The following RNF220 variants were observed in gnomAD, a reference collection of about 807,000 sequenced individuals.
RNF220 encodes E3 ubiquitin-protein ligase RNF220.
Under a neutral mutation model 67.1 loss-of-function variants are expected in RNF220, and 7 were observed. The ratio of observed to expected loss-of-function variants is 0.10; its 90% confidence interval spans 0.06 to 0.20. The LOEUF (loss-of-function observed/expected upper bound fraction) is 0.20. RNF220 is among the 10% of genes least tolerant of loss of function. The pLI is 1.00. For missense variants in RNF220, 565 were observed against 740.3 expected (o/e 0.76, Z 2.75); for synonymous variants, 270 against 283.2 (o/e 0.95, Z 0.47).
chr1:44,544,881 C>A (rs529264777), intron 2 of RNF220, among the ~76,000 whole-genome samples: 1 of 152,214 alleles, frequency 6.6e-6, no homozygotes, highest in Non-Finnish European at 1.5e-5. Flanking sequence ...TCCTGGAATG[C>A]AATCTCTCCA....
At chr1:44,502,597 C>T (rs1658027729) in intron 2 of RNF220, among the ~76,000 whole-genome samples, 1 of 152,100 alleles carries the variant, frequency 6.6e-6, no homozygotes, top group Non-Finnish European at 1.5e-5. Context: ...GCTGTCCCTG[C>T]CCTGAAGGAG....
At chr1:44,579,899 C>T (rs1334860740) in intron 2 of RNF220, among the ~76,000 whole-genome samples, 2 of 151,304 alleles carry the variant, frequency 1.3e-5, no homozygotes, top group South Asian at 2.1e-4. Flanking sequence ...GGTGTGGTGG[C>T]GTGCATCTGT....
Position 44,600,119 on chromosome 1 carries a change from A to G in RNF220, c.626-14046A>G, listed in dbSNP as rs1666815146. ...GTAAAGAGTAAAAATTAAGATTGTC[A>G]ATTTAGGGAGGTCTCTGGATAGTGG... is the stretch of plus-strand genomic sequence containing the variant. On this transcript the variant is annotated intron_variant, in intron 2 of 14. Coordinates refer to ENST00000361799, the MANE Select transcript of RNF220 (RefSeq NM_018150.4). The surrounding 1 kb of genome is among the most constrained non-coding windows in gnomAD (Gnocchi z 4.0). Among the ~76,000 whole-genome samples the G allele has an allele frequency of 6.6e-6, 1 of 152,176 alleles. No individual in the cohort carries two copies. The highest frequency in any genetic ancestry group is 1.5e-5 in the Non-Finnish European group (1 of 68,024).
intron 2 of RNF220, among the ~76,000 whole-genome samples, chr1:44,455,857 C>T (rs1487952162): frequency 2.6e-5 from 4 of 152,164 alleles, no homozygotes; most frequent in African/African-American, 9.7e-5. Context: ...AGCTCTAGCA[C>T]GTGCCATCTG....
chr1:44,571,524 C>T (rs1312890878), intron 2 of RNF220, among the ~76,000 whole-genome samples: 3 of 152,220 alleles, frequency 2.0e-5, no homozygotes, highest in Non-Finnish European at 2.9e-5. Context: ...GTAAGTTCTA[C>T]ATTCACTGTT....
intron 2 of RNF220, among the ~76,000 whole-genome samples, chr1:44,474,051 T>C (rs930979297): frequency 8.6e-5 from 13 of 151,582 alleles, no homozygotes; most frequent in Non-Finnish European, 1.5e-4. Context: ...CAACCACGGA[T>C]CAAAAATATT....
At chr1:44,616,100 G>T (rs1418927509) in intron 3 of RNF220, among the ~76,000 whole-genome samples, 1 of 152,224 alleles carries the variant, frequency 6.6e-6, no homozygotes. Flanking sequence ...TGACATGGCA[G>T]CTGACTTCCC....
At chr1:44,488,212 T>G (rs1572655413) in intron 2 of RNF220, among the ~76,000 whole-genome samples, 1 of 150,626 alleles carries the variant, frequency 6.6e-6, no homozygotes, top group African/African-American at 2.4e-5. Flanking sequence ...CTCGGCTCAC[T>G]GCAACCTTCG....
intron 2 of RNF220, among the ~76,000 whole-genome samples, chr1:44,430,704 C>T (rs1650272486): frequency 6.6e-6 from 1 of 152,166 alleles, no homozygotes; most frequent in Non-Finnish European, 1.5e-5. Flanking sequence ...GCCACCACAC[C>T]TGGCTAATTT....
chr1:44,629,760 T>C (rs890710456), intron 5 of RNF220, among the ~76,000 whole-genome samples: 2 of 152,174 alleles, frequency 1.3e-5, no homozygotes, highest in Non-Finnish European at 2.9e-5. Context: ...AGAGTAAGCT[T>C]CACACAGGAG....
intron 2 of RNF220, among the ~76,000 whole-genome samples, chr1:44,511,906 C>CGTGTGTGT (rs571261660): frequency 1.2e-5 from 1 of 80,022 alleles, no homozygotes; most frequent in African/African-American, 4.9e-5. Context: ...AATTGAGAAG[C>CGTGTGTGT]GTGTGTGTGC....
In RNF220 at chr1:44,644,977, C is replaced by G; in HGVS notation, c.1224-18C>G. ...CCTGCTGCAAACTAGGATCCATTGT[C>G]CTTGACCACCATGCCAGATACACAG... is the stretch of plus-strand genomic sequence containing the variant. On this transcript the variant is annotated intron_variant, in intron 9 of 14. Coordinates refer to ENST00000361799, the MANE Select transcript of RNF220 (RefSeq NM_018150.4). 6.2e-7 allele frequency: 1 copy of G among 1,613,220 alleles called. No homozygotes were observed. The highest frequency in any genetic ancestry group is 8.5e-7 in the Non-Finnish European group (1 of 1,179,492).
intron 2 of RNF220, among the ~76,000 whole-genome samples, chr1:44,577,270 T>G (rs1281412945): frequency 6.6e-6 from 1 of 152,032 alleles, no homozygotes. Flanking sequence ...CCTTCTCCAG[T>G]ATTTTCAGCC....
chr1:44,451,408 A>G (rs1168513674), intron 2 of RNF220, among the ~76,000 whole-genome samples: 1 of 151,878 alleles, frequency 6.6e-6, no homozygotes, highest in East Asian at 1.9e-4. Context: ...TTTATTGATT[A>G]TTTCTATTTG....
intron 2 of RNF220, among the ~76,000 whole-genome samples, chr1:44,542,556 G>A (rs934171255): frequency 2.0e-5 from 3 of 152,176 alleles, no homozygotes; most frequent in Admixed American, 6.5e-5. Flanking sequence ...CCTCCACAGC[G>A]TGTCCCCAGG....
intron 2 of RNF220, among the ~76,000 whole-genome samples, chr1:44,555,545 G>A (rs1207221942): frequency 1.3e-5 from 2 of 151,966 alleles, no homozygotes; most frequent in African/African-American, 4.8e-5. Context: ...CATGATCTTG[G>A]CTCACTGCAA....
At chr1:44,467,030 C>T (rs1405717222) in intron 2 of RNF220, among the ~76,000 whole-genome samples, 1 of 152,226 alleles carries the variant, frequency 6.6e-6, no homozygotes, top group African/African-American at 2.4e-5. Context: ...AAGGCAGTTT[C>T]ATCTACATTG....
At chr1:44,471,639 C>T (rs919500657) in intron 2 of RNF220, among the ~76,000 whole-genome samples, 1 of 152,074 alleles carries the variant, frequency 6.6e-6, no homozygotes, top group East Asian at 1.9e-4. Flanking sequence ...GCCTGGCTAA[C>T]ATGATGAAAC....
intron 2 of RNF220, among the ~76,000 whole-genome samples, chr1:44,465,166 A>T (rs950587): frequency 1.3e-5 from 2 of 152,116 alleles, no homozygotes; most frequent in East Asian, 3.8e-4. Context: ...CACTATCATA[A>T]TATATCTTTA....
Sources: allele counts gnomAD v4.1 joint callset (sites outside exome capture counted in the v4.1 genomes callset), GRCh38; gene constraint gnomAD v4.1.1; non-coding constraint Gnocchi (gnomAD v3.1); transcripts MANE v1.5; gene names NCBI Gene and HGNC (gene_info 2026-07-23, HGNC 2026-07-21).